Variants in SMARCAD1 observed in about 807,000 individuals in gnomAD.
SMARCAD1 encodes the protein SWI/SNF-related matrix-associated actin-dependent regulator of chromatin subfamily A containing DEAD/H box 1.
In SMARCAD1, 25 loss-of-function variants were observed where a neutral mutation model predicts 127.1. The ratio of observed to expected loss-of-function variants is 0.20; its 90% confidence interval spans 0.14 to 0.27. The LOEUF is 0.27. SMARCAD1 is among the 10% of genes least tolerant of loss of function. The pLI, the probability that SMARCAD1 is intolerant of heterozygous loss-of-function variation, is 1.00. For missense variants in SMARCAD1, 807 were observed against 1,206.0 expected (o/e 0.67, Z 4.90); for synonymous variants, 400 against 396.9 (o/e 1.01, Z -0.09).
Position 94,278,948 on chromosome 4 carries a change from C to T in SMARCAD1, c.2316C>T (p.Cys772=). 1 of 1,613,932 alleles carries T rather than the reference C, an allele frequency of 6.2e-7. No homozygotes were observed. The highest frequency in any genetic ancestry group is 8.5e-7 in the Non-Finnish European group (1 of 1,179,924). ...TCACAGAAAAAAACACAGAAATGTG[C>T]AATGTCATGATGCAGTTGAGGAAAA... ...INNLEKNTEM[C]NVMMQLRKMA... is the part of the protein sequence containing the mutation. Residue 772 remains cysteine (C), a synonymous_variant, in exon 19 of 24, where the codon TGC becomes TGT. Transcript: ENST00000354268.
Position 94,278,874 on chromosome 4 carries a change from T to C in SMARCAD1, c.2297-55T>C, listed in dbSNP as rs768446855. ...ATAATTTTAAAACTTAGTTGATATA[T>C]TTCAACAGTTATCCGCTTGGTTTTA... On this transcript the variant is annotated intron_variant, in intron 18 of 23. Transcript: ENST00000354268. The C allele has an allele frequency of 1.2e-5, 20 of 1,609,964 alleles. No individual in the cohort carries two copies. The South Asian group carries it at 2.2e-4, about 18-fold the overall frequency.
intron 9 of SMARCAD1, chr4:94,253,629 G>A (rs1749619364): frequency 9.7e-7 from 1 of 1,032,526 alleles, no homozygotes; most frequent in Non-Finnish European, 1.2e-6. Context: ...ATTTCTGGAA[G>A]CCTATAATTC....
Position 94,290,487 on chromosome 4 carries a change from C to G in SMARCAD1, c.*953C>G. 2.2e-6 allele frequency: 1 copy of G among 454,476 alleles called. No homozygotes were observed. The highest frequency in any genetic ancestry group is 4.4e-6 in the Non-Finnish European group (1 of 226,768). The allele number at this position is 454,476 out of a possible 1,614,324, so 28.2% of individuals were successfully genotyped here. On this transcript the variant is annotated 3_prime_UTR_variant, in exon 24 of 24. Coordinates refer to ENST00000354268, the MANE Select transcript of SMARCAD1 (RefSeq NM_020159.5). ...CAAAGCAGACTGAATGTGACTTCAT[C>G]TAAAGGCAGCATTAGGTACTGCATG... is the stretch of plus-strand genomic sequence containing the variant.
intron 2 of SMARCAD1, among the ~76,000 whole-genome samples, chr4:94,211,618 CTT>C (rs1047794231): frequency 6.6e-6 from 1 of 152,148 alleles, no homozygotes; most frequent in African/African-American, 2.4e-5. Flanking sequence ...TGTAATCACT[CTT>C]TTTGACTAAT....
intron 6 of SMARCAD1, among the ~76,000 whole-genome samples, chr4:94,246,764 A>T (rs1384598688): frequency 6.6e-6 from 1 of 152,188 alleles, no homozygotes; most frequent in Non-Finnish European, 1.5e-5. Context: ...GTGCAAAACC[A>T]TCTAAGTCCA....
At chr4:94,222,063 C>T (rs1053184016) in intron 2 of SMARCAD1, among the ~76,000 whole-genome samples, 1 of 152,080 alleles carries the variant, frequency 6.6e-6, no homozygotes, top group African/African-American at 2.4e-5. Context: ...AATTCTCAGT[C>T]ACTGGTGATA....
intron 5 of SMARCAD1, among the ~76,000 whole-genome samples, chr4:94,237,541 A>C (rs986888438): frequency 1.3e-5 from 2 of 151,966 alleles, no homozygotes; most frequent in African/African-American, 4.8e-5. Context: ...ACTACTAAAA[A>C]AGTATTTAAA....
Position 94,252,595 on chromosome 4 carries a change from GT to G in SMARCAD1, c.890-16del. The G allele has an allele frequency of 6.8e-7, 1 of 1,473,334 alleles. No homozygotes were observed. Among genetic ancestry groups the G allele is most frequent in the South Asian group, 1.3e-5 (1 of 74,814 alleles). 91.3% of individuals were successfully genotyped at this position (1,473,334 alleles called of 1,614,324 possible). A position where few individuals can be genotyped will look rare whatever the true frequency, so the allele number is the denominator to read the frequency against. ...TTTATGTATTTCTAATTTAGTTACT[GT>G]TTTTGTCTTTTATATACAGATATGC... On this transcript the variant is annotated intron_variant, in intron 8 of 23. Transcript: ENST00000354268.
At chr4:94,279,563 A>C (rs998358159) in intron 19 of SMARCAD1, among the ~76,000 whole-genome samples, 10 of 152,316 alleles carry the variant, frequency 6.6e-5, no homozygotes, top group African/African-American at 2.2e-4. Flanking sequence ...TTTTATAAAT[A>C]AGGTTTTACT....
intron 6 of SMARCAD1, among the ~76,000 whole-genome samples, chr4:94,245,613 A>T (rs561464654): frequency 8.5e-5 from 13 of 152,326 alleles, no homozygotes; most frequent in Admixed American, 2.6e-4. Context: ...ATTTTCAGAT[A>T]ACCTGTTTTT....
intron 10 of SMARCAD1, among the ~76,000 whole-genome samples, chr4:94,266,814 A>C (rs1751792691): frequency 6.6e-6 from 1 of 152,118 alleles, no homozygotes; most frequent in Non-Finnish European, 1.5e-5. Context: ...ATTGTAGGAG[A>C]AGAAAGTTTG....
At chr4:94,235,028 T>C (rs1206891122) in intron 4 of SMARCAD1, among the ~76,000 whole-genome samples, 1 of 152,128 alleles carries the variant, frequency 6.6e-6, no homozygotes. Flanking sequence ...AATAAAGCCA[T>C]AAGGCTGGAT....
intron 22 of SMARCAD1, among the ~76,000 whole-genome samples, chr4:94,283,805 G>A (rs184269545): frequency 4.2e-4 from 64 of 152,086 alleles, no homozygotes; most frequent in South Asian, 8.3e-4. Flanking sequence ...CAGCCTGGGC[G>A]ACAGAGCAAG....
At chr4:94,220,673 TTG>T (rs755077085) in intron 2 of SMARCAD1, among the ~76,000 whole-genome samples, 14 of 152,236 alleles carry the variant, frequency 9.2e-5, no homozygotes, top group Non-Finnish European at 1.8e-4. Flanking sequence ...TTTCACGATA[TTG>T]ATATTTGCAC....
chr4:94,228,890 T>C (rs1745411702), intron 3 of SMARCAD1, among the ~76,000 whole-genome samples: 1 of 152,158 alleles, frequency 6.6e-6, no homozygotes. Context: ...CCTTTGAAGA[T>C]AATAGGCCAG....
chr4:94,220,090 G>T (rs1743864736), intron 2 of SMARCAD1, among the ~76,000 whole-genome samples: 1 of 152,150 alleles, frequency 6.6e-6, no homozygotes, highest in African/African-American at 2.4e-5. Flanking sequence ...ATTGCAGCAG[G>T]AATATCTTTT....
intron 3 of SMARCAD1, among the ~76,000 whole-genome samples, chr4:94,231,346 G>A (rs1745818793): frequency 6.6e-6 from 1 of 152,312 alleles, no homozygotes. Flanking sequence ...GATGTAGAAA[G>A]GGCTAGAATG....
intron 2 of SMARCAD1, among the ~76,000 whole-genome samples, chr4:94,224,890 A>G (rs985116553): frequency 2.0e-5 from 3 of 152,196 alleles, no homozygotes; most frequent in African/African-American, 4.8e-5. Flanking sequence ...ATAATGACCT[A>G]CGAGAGAATT....
intron 10 of SMARCAD1, among the ~76,000 whole-genome samples, chr4:94,270,365 A>G (rs1012144107): frequency 6.6e-6 from 1 of 152,080 alleles, no homozygotes; most frequent in African/African-American, 2.4e-5. Context: ...AAGTTCTTTA[A>G]TGTGCTAAAA....
Sources: gnomAD v4.1 joint callset for allele counts (sites outside exome capture counted in the v4.1 genomes callset) on GRCh38, gnomAD v4.1.1 for gene constraint, MANE v1.5 for transcripts, NCBI Gene and HGNC (gene_info 2026-07-23, HGNC 2026-07-21) for gene names.